Variants in ZNF143 observed in about 807,000 individuals in gnomAD.
ZNF143 encodes SPH-binding factor.
In ZNF143, 49 loss-of-function variants were observed where a neutral mutation model predicts 74.1. That is an observed-to-expected ratio of 0.66 (90% CI 0.53 to 0.84). The LOEUF (loss-of-function observed/expected upper bound fraction) is 0.84. Among genes scored for constraint, ZNF143 ranks in the 40% least tolerant of loss-of-function variants. The pLI is 0.00. For missense variants in ZNF143, 637 were observed against 793.4 expected, an observed-to-expected ratio of 0.80 and a Z score of 2.37; for synonymous variants, 304 against 282.8, an observed-to-expected ratio of 1.07 and a Z score of -0.75.
intron 12 of ZNF143, among the ~76,000 whole-genome samples, chr11:9,510,415 T>C (rs891833113): frequency 1.3e-5 from 2 of 152,098 alleles, no homozygotes; most frequent in Non-Finnish European, 2.9e-5. Context: ...TGAGCCACCG[T>C]ACCCAGCCCA....
intron 14 of ZNF143, 141 bp from the exon 15 acceptor site, chr11:9,525,099 C>A: frequency 1.0e-6 from 1 of 974,520 alleles, no homozygotes; most frequent in Non-Finnish European, 1.5e-6. Flanking sequence ...AACCTCCTTT[C>A]AATATAGGCT....
chr11:9,524,527 G>T (rs1226733288), intron 14 of ZNF143, among the ~76,000 whole-genome samples: 3 of 152,158 alleles, frequency 2.0e-5, no homozygotes, highest in Non-Finnish European at 4.4e-5. Context: ...AAGTAAAACA[G>T]CAGTTTTCAT....
chr11:9,471,549 TGG>T, intron 2 of ZNF143, 129 bp downstream of exon 2: 1 of 596,520 alleles, frequency 1.7e-6, no homozygotes, highest in Non-Finnish European at 2.7e-6. Context: ...TGAGGTGTTT[TGG>T]TGTTTTTTTT....
chr11:9,475,153 G>A (rs1317011500), intron 5 of ZNF143, among the ~76,000 whole-genome samples: 6 of 151,932 alleles, frequency 3.9e-5, no homozygotes, highest in Non-Finnish European at 7.4e-5. Flanking sequence ...GATTATAGGC[G>A]TTAGCTACTG....
chr11:9,501,858 G>A (rs956917537), intron 11 of ZNF143, among the ~76,000 whole-genome samples: 3 of 145,342 alleles, frequency 2.1e-5, no homozygotes, highest in African/African-American at 7.5e-5. Flanking sequence ...TGCTGTCAAA[G>A]TTAAGGTACT....
chr11:9,519,130 C>T (rs145893570), intron 14 of ZNF143, among the ~76,000 whole-genome samples: 8 of 152,062 alleles, frequency 5.3e-5, no homozygotes, highest in Non-Finnish European at 1.0e-4. Context: ...ATTTCTATCA[C>T]GCTAGAAAGT....
chr11:9,514,666 CAG>C (rs1848662763), intron 13 of ZNF143, among the ~76,000 whole-genome samples: 2 of 152,266 alleles, frequency 1.3e-5, no homozygotes, highest in Non-Finnish European at 2.9e-5. Context: ...ATGAACTCAC[CAG>C]AGAGTGAAGG....
In ZNF143 at chr11:9,492,626, T is replaced by C. The variant is rs1470893; in HGVS notation, c.646-2020T>C. Among the ~76,000 whole-genome samples the C allele has an allele frequency of 7.5e-3, 1,139 of 152,306 alleles. 14 individuals are homozygous for C. The highest frequency in any genetic ancestry group is 0.026 in the African/African-American group (1,080 of 41,562). On this transcript the variant is annotated intron_variant, in intron 7 of 15. Coordinates refer to ENST00000396602, the MANE Select transcript of ZNF143 (RefSeq NM_003442.6). ...GTAAATTGAAAAAATTGAACAATTATCACAATCTTAATTTTAGAACTTTAA... is the reference window on the plus strand; with the variant it reads ...GTAAATTGAAAAAATTGAACAATTACCACAATCTTAATTTTAGAACTTTAA...
chr11:9,485,418 G>A (rs1482107031), intron 7 of ZNF143, among the ~76,000 whole-genome samples: 1 of 145,538 alleles, frequency 6.9e-6, no homozygotes, highest in African/African-American at 2.6e-5. Flanking sequence ...CACAATCTTG[G>A]CTCATTGCAA....
At chr11:9,468,287 G>C (rs888450398) in intron 1 of ZNF143, among the ~76,000 whole-genome samples, 3 of 152,114 alleles carry the variant, frequency 2.0e-5, no homozygotes, top group African/African-American at 7.2e-5. Context: ...CACCAAAATG[G>C]GGATACCTAA....
rs1311986116 is a variant in ZNF143 at position 9,472,679 on chromosome 11, G to A, written c.115G>A (p.Gly39Ser). The A allele has an allele frequency of 6.2e-7, 1 of 1,608,974 alleles. No individual in the cohort carries two copies. The highest frequency in any genetic ancestry group is 8.5e-7 in the Non-Finnish European group (1 of 1,178,226). The part of the protein sequence containing the change: ...CLTEAVTVAD[G>S]DNLENMEGVS... ...AAATATTGATTTTTTTGTAATAGAT[G>A]GTGACAACTTAGAAAATATGGAAGG... The change falls in exon 3 of 16, where the codon GGT becomes AGT. Residue 39 changes from glycine to serine, a missense_variant and splice_region_variant. Gly to Ser is a moderately conservative substitution (Grantham distance 56, BLOSUM62 0). Transcript: ENST00000396602.
chr11:9,476,370 A>G (rs571188668), intron 5 of ZNF143, among the ~76,000 whole-genome samples: 4 of 152,100 alleles, frequency 2.6e-5, no homozygotes, highest in African/African-American at 9.6e-5. Flanking sequence ...TTTTATTTTA[A>G]TTAATTAATT....
chr11:9,493,929 T>C (rs1847871114), intron 7 of ZNF143, among the ~76,000 whole-genome samples: 1 of 152,202 alleles, frequency 6.6e-6, no homozygotes, highest in African/African-American at 2.4e-5. Flanking sequence ...GTGACTGAAA[T>C]GACCTACCCC....
In ZNF143 at chr11:9,488,436, T is replaced by C. The variant is rs987175493; in HGVS notation, c.646-6210T>C. Among the ~76,000 whole-genome samples the C allele has an allele frequency of 2.6e-5, 4 of 152,186 alleles. No individual in the cohort carries two copies. In the East Asian group the frequency reaches 7.7e-4, roughly 29 times the overall value. On this transcript the variant is annotated intron_variant, in intron 7 of 15. Transcript: ENST00000396602. ...TTTTCATGAAACTCATTCTATTATG[T>C]AAACATAATACTCTCATGTTGTTTC...
At position 9,482,437 on chromosome 11, in the gene ZNF143, AT is replaced by A. The variant is rs1847282298; in HGVS notation, c.645+2897del. On this transcript the variant is annotated intron_variant, in intron 7 of 15. Transcript: ENST00000396602. Reference sequence around the variant, plus strand: ...AGGTGCCCGCCACCATGCCTGGCTAATTTTTTGTATTTTTAGTACAGATGGG... The same window carrying A: ...AGGTGCCCGCCACCATGCCTGGCTAATTTTTGTATTTTTAGTACAGATGGG... Among the ~76,000 whole-genome samples the A allele has an allele frequency of 2.0e-5, 3 of 149,516 alleles. 1 individual carries two copies. The Middle Eastern group carries it at 0.01, about 509-fold the overall frequency.
chr11:9,520,718 G>A (rs1343898044), intron 14 of ZNF143, among the ~76,000 whole-genome samples: 1 of 152,200 alleles, frequency 6.6e-6, no homozygotes, highest in East Asian at 1.9e-4. Context: ...GAACCCGGTA[G>A]GTGGAGGTTG....
chr11:9,486,363 T>TATATATTA (rs1491555379), intron 7 of ZNF143, among the ~76,000 whole-genome samples: 1 of 41,248 alleles, frequency 2.4e-5, no homozygotes, highest in African/African-American at 1.1e-4. Flanking sequence ...TATATATATA[T>TATATATTA]TATATATAAT....
intron 8 of ZNF143, 21 bp downstream of exon 8, chr11:9,494,786 C>A: frequency 6.3e-7 from 1 of 1,594,916 alleles, no homozygotes; most frequent in South Asian, 1.1e-5. Flanking sequence ...AAGAAATGTT[C>A]TATCTAGTTA....
intron 9 of ZNF143, among the ~76,000 whole-genome samples, chr11:9,497,205 A>ATACTTTTGTACATTTTT (rs1847989086): frequency 6.6e-6 from 1 of 152,210 alleles, no homozygotes; most frequent in Non-Finnish European, 1.5e-5. Context: ...TCAGCATGGC[A>ATACTTTTGTACATTTTT]GTCCCGAGCT....
Sources: gnomAD v4.1 joint callset for allele counts (sites outside exome capture counted in the v4.1 genomes callset) on GRCh38, gnomAD v4.1.1 for gene constraint, MANE v1.5 for transcripts, NCBI Gene and HGNC (gene_info 2026-07-23, HGNC 2026-07-21) for gene names.